The following TMEM71 variants were observed in gnomAD, a reference collection of about 807,000 sequenced individuals.
TMEM71 encodes the protein transmembrane protein 71.
TMEM71 carries 44 observed loss-of-function variants against 38.0 expected under a neutral mutation model. The ratio of observed to expected loss-of-function variants is 1.16; its 90% confidence interval spans 0.91 to 1.49. The LOEUF (loss-of-function observed/expected upper bound fraction) is 1.49, where lower values mean the gene tolerates loss of function less well. Among genes scored for constraint, TMEM71 ranks in the 40% most tolerant of loss-of-function variants. The probability of loss-of-function intolerance (pLI) is 0.00; values close to 1 mark genes in which losing one functional copy is unlikely to be tolerated. For synonymous variants in TMEM71, 133 were observed against 122.5 expected, an observed-to-expected ratio of 1.09 and a Z score of -0.56; for missense variants, 367 against 348.6, an observed-to-expected ratio of 1.05 and a Z score of -0.42.
At position 132,710,090 on chromosome 8, in the gene TMEM71, A is replaced by C. The variant is rs1320881908; in HGVS notation, c.*877T>G. The C allele has an allele frequency of 6.6e-6, 1 of 152,152 alleles. No individual in the cohort carries two copies. Among genetic ancestry groups the C allele is most frequent in the Admixed American group, 6.5e-5 (1 of 15,276 alleles). 9.4% of individuals were successfully genotyped at this position (152,152 alleles called of 1,614,324 possible). On this transcript the variant is annotated 3_prime_UTR_variant, in exon 10 of 10. Coordinates refer to ENST00000677595, the MANE Select transcript of TMEM71 (RefSeq NM_001382403.1). ...TATGAGTTTTTACTCAGAGAGTATC[A>C]CATAGAACAAATTTGAATTACAGGC... is the stretch of plus-strand genomic sequence containing the variant.
chr8:132,728,618 G>A (rs572723743), intron 5 of TMEM71, among the ~76,000 whole-genome samples: 3 of 152,326 alleles, frequency 2.0e-5, no homozygotes, highest in Admixed American at 2.0e-4. Flanking sequence ...AAAGGCCAGA[G>A]GCATCTTCAA....
chr8:132,764,631 C>A (rs1046628060), upstream of TMEM71, among the ~76,000 whole-genome samples: 1 of 152,168 alleles, frequency 6.6e-6, no homozygotes, highest in Admixed American at 6.5e-5. Context: ...TTTGCTCCAC[C>A]TCAGGCCCTT....
chr8:132,775,082 G>A, the TMEM71 span, among the ~76,000 whole-genome samples: 1 of 152,350 alleles, frequency 6.6e-6, no homozygotes, highest in African/African-American at 2.4e-5. Context: ...AGGGTCCTGG[G>A]TAAAGGGGTT....
rs142866645 is a variant in TMEM71, at chr8:132,715,693, T to C, written c.753-1478A>G. Among the ~76,000 whole-genome samples the C allele has an allele frequency of 7.2e-5, 11 of 152,246 alleles. No homozygotes were observed. The East Asian group carries it at 2.1e-3, about 29-fold the overall frequency. On this transcript the variant is annotated intron_variant, in intron 7 of 9. Transcript: ENST00000677595. Reference sequence around the variant, plus strand: ...TGGAAGCAACCAAGACACCCTTCAATAGGTGAATGTATAAACAAACTGTGG... The same window carrying C: ...TGGAAGCAACCAAGACACCCTTCAACAGGTGAATGTATAAACAAACTGTGG...
chr8:132,707,302 A>T (rs1826108149), downstream of TMEM71, among the ~76,000 whole-genome samples: 1 of 152,184 alleles, frequency 6.6e-6, no homozygotes, highest in Admixed American at 6.5e-5. Flanking sequence ...GGATGTTGGA[A>T]GGGGCAGCTG....
At chr8:132,750,218 G>C (rs1828628882) in intron 4 of TMEM71, among the ~76,000 whole-genome samples, 1 of 152,098 alleles carries the variant, frequency 6.6e-6, no homozygotes, top group Admixed American at 6.5e-5. Context: ...CATTGAAATA[G>C]AAATCATGTG....
At chr8:132,725,044 T>C (rs1827063270) in intron 6 of TMEM71, among the ~76,000 whole-genome samples, 1 of 123,452 alleles carries the variant, frequency 8.1e-6, no homozygotes, top group African/African-American at 3.0e-5. Flanking sequence ...TTTCTTTTTT[T>C]TCTTTTTTTT....
rs140367436 is a variant in TMEM71 at position 132,736,453 on chromosome 8, T to C, written c.488-8467A>G. ...TTGGTCAAAGGGTACAAAATTCCAG[T>C]CAGACAGGATGAAAAATGTTCTGGA... On this transcript the variant is annotated intron_variant, in intron 5 of 9. Coordinates refer to ENST00000677595, the MANE Select transcript of TMEM71 (RefSeq NM_001382403.1). 6.7e-3 allele frequency among the ~76,000 whole-genome samples: 1,016 copies of C among 152,194 alleles called. 7 individuals are homozygous for C. Among genetic ancestry groups the C allele is most frequent in the South Asian group, 0.013 (64 of 4,822 alleles).
At chr8:132,717,210 C>A (rs1462739069) in intron 7 of TMEM71, among the ~76,000 whole-genome samples, 2 of 151,778 alleles carry the variant, frequency 1.3e-5, no homozygotes. Flanking sequence ...AAAGCACAGA[C>A]CACAAAAAAA....
intron 5 of TMEM71, among the ~76,000 whole-genome samples, chr8:132,736,277 G>GA (rs561193151): frequency 6.6e-6 from 1 of 152,014 alleles, no homozygotes; most frequent in African/African-American, 2.4e-5. Flanking sequence ...TGTTGCTCCA[G>GA]AAAAAAACAG....
chr8:132,771,053 T>C, the TMEM71 span, among the ~76,000 whole-genome samples: 1 of 152,194 alleles, frequency 6.6e-6, no homozygotes, highest in African/African-American at 2.4e-5. Context: ...AAGTATCACA[T>C]AGCAGCAGGA....
chr8:132,733,074 T>G (rs950403446), intron 5 of TMEM71, among the ~76,000 whole-genome samples: 1 of 152,226 alleles, frequency 6.6e-6, no homozygotes, highest in Non-Finnish European at 1.5e-5. Flanking sequence ...AACACTCTGT[T>G]CTCTGCCTTC....
At chr8:132,767,314 G>A in the TMEM71 span, among the ~76,000 whole-genome samples, 16 of 152,086 alleles carry the variant, frequency 1.1e-4, no homozygotes, top group Non-Finnish European at 2.2e-4. Context: ...AGATAACTTT[G>A]AAATTTTTAG....
intron 5 of TMEM71, among the ~76,000 whole-genome samples, chr8:132,745,272 A>G (rs768374294): frequency 6.6e-6 from 1 of 152,212 alleles, no homozygotes; most frequent in Non-Finnish European, 1.5e-5. Flanking sequence ...TGCACAAACT[A>G]TGAATCTAAC....
intron 7 of TMEM71, among the ~76,000 whole-genome samples, chr8:132,717,249 C>G (rs902925420): frequency 2.6e-5 from 4 of 152,078 alleles, no homozygotes; most frequent in African/African-American, 7.2e-5. Flanking sequence ...TGGGCTACAT[C>G]AAAATTTAAA....
At chr8:132,769,199 C>G in the TMEM71 span, among the ~76,000 whole-genome samples, 2 of 152,202 alleles carry the variant, frequency 1.3e-5, no homozygotes, top group East Asian at 3.8e-4. Context: ...GCATAGAACT[C>G]TTATTTGAAG....
At chr8:132,772,796 G>C in the TMEM71 span, among the ~76,000 whole-genome samples, 1 of 152,112 alleles carries the variant, frequency 6.6e-6, no homozygotes, top group Non-Finnish European at 1.5e-5. Context: ...ATATAATGAA[G>C]TAGTGAGGTG....
intron 7 of TMEM71, among the ~76,000 whole-genome samples, chr8:132,720,890 GCA>G (rs2131030319): frequency 6.6e-6 from 1 of 152,296 alleles, no homozygotes; most frequent in South Asian, 2.1e-4. Flanking sequence ...TGAGGGAGAC[GCA>G]CAATGTGTCT....
chr8:132,752,828 AAAGG>A (rs71299033), intron 3 of TMEM71, among the ~76,000 whole-genome samples: 40,544 of 117,952 alleles, frequency 0.34, 7,340 homozygotes, highest in Non-Finnish European at 0.39. Context: ...GGGAAGGAAG[AAAGG>A]AAGGAAGGAA....
Sources: allele counts gnomAD v4.1 joint callset (sites outside exome capture counted in the v4.1 genomes callset), GRCh38; gene constraint gnomAD v4.1.1; transcripts MANE v1.5; gene names NCBI Gene and HGNC (gene_info 2026-07-23, HGNC 2026-07-21).